The following HMGXB3 variants were observed in gnomAD, a reference collection of about 807,000 sequenced individuals.
HMGXB3 encodes the protein HMG-box containing 3.
A neutral mutation model predicts 121.5 loss-of-function variants in HMGXB3; 45 were observed. The observed-to-expected ratio is 0.37, with a 90% CI of 0.29 to 0.47. The LOEUF (loss-of-function observed/expected upper bound fraction) is 0.47. Ranked by LOEUF, HMGXB3 falls within the 20% of genes least tolerant of loss-of-function variation. The pLI, the probability that HMGXB3 is intolerant of heterozygous loss-of-function variation, is 0.99. For synonymous variants in HMGXB3, 590 were observed against 624.1 expected (o/e 0.95, Z 0.81); for missense variants, 1,376 against 1,602.2 (o/e 0.86, Z 2.41).
In HMGXB3 at chr5:150,027,168, A is replaced by G. The variant is rs1756252536; in HGVS notation, c.1734+51A>G. The G allele has an allele frequency of 3.5e-6, 5 of 1,448,658 alleles. No individual in the cohort carries two copies. In the South Asian group the frequency reaches 6.3e-5, roughly 18 times the overall value. The allele number at this position is 1,448,658 out of a possible 1,614,324, so 89.7% of individuals were successfully genotyped here. The stretch of plus-strand genomic sequence containing the variant: ...GCTGTTTGAGGGTCTGGCTGCTTCC[A>G]TGTAATGTATCAAAGCTATAGGTAA... On this transcript the variant is annotated intron_variant, in intron 9 of 19. Transcript: ENST00000502717.
chr5:150,033,045 A>G (rs1179986094), intron 11 of HMGXB3, among the ~76,000 whole-genome samples: 2 of 152,222 alleles, frequency 1.3e-5, no homozygotes, highest in Non-Finnish European at 2.9e-5. Context: ...TAGTTAATCA[A>G]AGCTTTATTT....
chr5:150,036,764 A>G lies in HMGXB3; in HGVS notation c.2112A>G (p.Ser704=). 6.4e-7 allele frequency: 1 copy of G among 1,551,756 alleles called. No homozygotes were observed. The change falls in exon 12 of 20, where the codon TCA becomes TCG. Residue 704 remains serine, a synonymous_variant. Coordinates refer to ENST00000502717, the MANE Select transcript of HMGXB3 (RefSeq NM_014983.3). ...RKVLQIPENE[S]ELAEVFALIH... is the part of the protein sequence containing the mutation. ...TCCTGCAGATTCCTGAGAATGAGTC[A>G]GAGCTGGCTGAGGTCTTCGCCTTGA...
chr5:150,010,285 C>A lies in HMGXB3; in HGVS notation c.487C>A (p.Leu163Ile). 6.4e-7 allele frequency: 1 copy of A among 1,551,782 alleles called. No individual in the cohort carries two copies. Among genetic ancestry groups the A allele is most frequent in the Non-Finnish European group, 8.7e-7 (1 of 1,147,020 alleles). The change falls in exon 4 of 20, where the codon CTT becomes ATT. Residue 163 changes from leucine to isoleucine, a missense_variant. Around this residue, in one of 2 missense-constraint regions of HMGXB3, gnomAD observed 1,116 missense variants for 1,369.0 expected, o/e 0.82. Transcript: ENST00000502717. The stretch of plus-strand genomic sequence containing the variant: ...CCAGATGTCCCCGAAAGGACCTCCT[C>A]TTGTGTCCAACACTGCCCCGGAGAC... ...QNQMSPKGPP[L>I]VSNTAPETVP... is the part of the protein sequence containing the mutation.
intron 2 of HMGXB3, 117 bp downstream of exon 2, chr5:150,005,106 G>A (rs1232232888): frequency 7.5e-7 from 1 of 1,335,662 alleles, no homozygotes; most frequent in Admixed American, 2.9e-5. Context: ...GAAGTCCTGT[G>A]TCGAGGGATG....
chr5:150,044,272 T>C (rs1756704650), intron 15 of HMGXB3, among the ~76,000 whole-genome samples: 1 of 152,168 alleles, frequency 6.6e-6, no homozygotes. Context: ...TCAGCCCCTC[T>C]CTCGGAGTTG....
chr5:150,051,607 G>A (rs1196208152), intron 19 of HMGXB3, 118 bp from the exon 20 acceptor site: 2 of 819,474 alleles, frequency 2.4e-6, no homozygotes, highest in Non-Finnish European at 3.8e-6. Context: ...AGGAGACACA[G>A]TACATGGTGA....
rs997921131 is a variant in HMGXB3 at position 150,036,932 on chromosome 5, A to G, written c.2280A>G (p.Gly760=). ...GTAGCAGCCCATTATTCAAAGGGGG[A>G]CAAAAGTAAGCACCCCTTAACTCTG... ...LLCSSPLFKG[G]QNSLAGPQEC... is the part of the protein sequence containing the mutation. The change falls in exon 12 of 20, where the codon GGA becomes GGG. Residue 760 remains glycine (G), a synonymous_variant. Transcript: ENST00000502717. 108 of 1,549,694 alleles carry G rather than the reference A, an allele frequency of 7.0e-5. No homozygotes were observed. The highest frequency in any genetic ancestry group is 9.2e-5 in the Non-Finnish European group (105 of 1,146,032).
chr5:150,016,340 C>CAAA lies in HMGXB3; in HGVS notation c.910-2207_910-2205dup, dbSNP rs34992392. Among the ~76,000 whole-genome samples the CAAA allele has an allele frequency of 1.3e-3, 118 of 92,592 alleles. 1 individual carries two copies. In the South Asian group the frequency reaches 0.036, roughly 28 times the overall value. 60.7% of individuals were successfully genotyped at this position (92,592 alleles called of 152,430 possible). Reference sequence around the variant, plus strand: ...TGAGCAACAGAGTGAGACTCTGTCTCAAAAAAAAAAAAAAAAAAAAAGGAG... The same window carrying CAAA: ...TGAGCAACAGAGTGAGACTCTGTCTCAAAAAAAAAAAAAAAAAAAAAAAAGGAG... On this transcript the variant is annotated intron_variant, in intron 5 of 19. Coordinates refer to ENST00000502717, the MANE Select transcript of HMGXB3 (RefSeq NM_014983.3).
In HMGXB3 at chr5:150,005,586, C is replaced by G. The variant is rs1319941474; in HGVS notation, c.137+597C>G. Among the ~76,000 whole-genome samples the G allele has an allele frequency of 2.6e-5, 3 of 116,626 alleles. No homozygotes were observed. In the Admixed American group the frequency reaches 3.3e-4, roughly 13 times the overall value. The allele number at this position is 116,626 out of a possible 152,430, so 76.5% of individuals were successfully genotyped here. On this transcript the variant is annotated intron_variant, in intron 2 of 19. Coordinates refer to ENST00000502717, the MANE Select transcript of HMGXB3 (RefSeq NM_014983.3). ...TGCACTACAGCTTGGCCAACAAGAA[C>G]GAAACTCCTCTCAAAAAAAAAAAAA...
chr5:150,006,331 C>A, intron 2 of HMGXB3, 142 bp from the exon 3 acceptor site: 1 of 568,574 alleles, frequency 1.8e-6, no homozygotes, highest in Non-Finnish European at 2.9e-6. Context: ...TTTTATCAAC[C>A]TCTTGACTAC....
rs188995699 is a variant in HMGXB3 at position 150,024,401 on chromosome 5, C to T, written c.1181C>T (p.Ser394Leu). Residue 394 changes from serine to leucine, a missense_variant, in exon 7 of 20, where the codon TCG becomes TTG. Around this residue, in one of 2 missense-constraint regions of HMGXB3, gnomAD observed 1,116 missense variants for 1,369.0 expected, o/e 0.82. Transcript: ENST00000502717. ...ENASKLTLEN[S>L]EAVSQLLNVA... ...GCCTCCAAACTGACTCTGGAGAATT[C>T]GGAAGCTGTAAGCCAGCTCCTGAAC... 5.0e-5 allele frequency: 78 copies of T among 1,551,700 alleles called. No homozygotes were observed. The East Asian group carries it at 1.0e-3, about 20-fold the overall frequency.
At position 150,040,623 on chromosome 5, in the gene HMGXB3, C is replaced by CT. The variant is rs1184034349; in HGVS notation, c.2414-124dup. ...CAACTCCTGGGCTCAAGCGATCCTC[C>CT]TGCCTCATCCTCCCAAGTGCCTGCA... On this transcript the variant is annotated intron_variant, in intron 13 of 19. Coordinates refer to ENST00000502717, the MANE Select transcript of HMGXB3 (RefSeq NM_014983.3). 49 of 921,564 alleles carry CT rather than the reference C, an allele frequency of 5.3e-5. No homozygotes were observed. In the East Asian group the frequency reaches 1.4e-3, roughly 26 times the overall value. 57.1% of individuals were successfully genotyped at this position (921,564 alleles called of 1,614,324 possible). A position where few individuals can be genotyped will look rare whatever the true frequency, so the allele number is the denominator to read the frequency against.
At chr5:150,024,784 A>G (rs1756187041) in intron 7 of HMGXB3, 104 bp downstream of exon 7, 2 of 986,672 alleles carry the variant, frequency 2.0e-6, no homozygotes, top group Non-Finnish European at 2.9e-6. Context: ...AGACCAGGCA[A>G]TGGTTCCTGT....
intron 17 of HMGXB3, 76 bp from the exon 18 acceptor site, chr5:150,048,493 A>T: frequency 1.0e-6 from 1 of 971,662 alleles, no homozygotes; most frequent in Non-Finnish European, 1.6e-6. Flanking sequence ...GTGTTGGGTG[A>T]GTGTGTGATG....
At chr5:150,009,996 C>T in intron 3 of HMGXB3, 115 bp from the exon 4 acceptor site, 1 of 1,146,248 alleles carries the variant, frequency 8.7e-7, no homozygotes, top group Non-Finnish European at 1.2e-6. Context: ...TTTTTCCAGT[C>T]CCTTTTGCAG....
intron 5 of HMGXB3, among the ~76,000 whole-genome samples, chr5:150,014,146 C>T (rs1163689455): frequency 2.0e-5 from 3 of 152,222 alleles, no homozygotes; most frequent in African/African-American, 4.8e-5. Flanking sequence ...TTCGCAAGGG[C>T]GGTGGCTGCT....
At chr5:150,009,246 T>C (rs2113725865) in intron 3 of HMGXB3, among the ~76,000 whole-genome samples, 1 of 152,338 alleles carries the variant, frequency 6.6e-6, no homozygotes, top group African/African-American at 2.4e-5. Context: ...CCAGCTTTAC[T>C]GTTTACTAAT....
At chr5:150,024,159 T>C (rs2113741012) in intron 6 of HMGXB3, 103 bp from the exon 7 acceptor site, 1 of 954,542 alleles carries the variant, frequency 1.0e-6, no homozygotes, top group Non-Finnish European at 1.5e-6. Context: ...TGGACCTTAG[T>C]TTCCTTATTT....
At chr5:150,037,273 GAAATACCTACCTAGA>G (rs1449541503) in intron 12 of HMGXB3, 112 bp from the exon 13 acceptor site, 13 of 916,218 alleles carry the variant, frequency 1.4e-5, no homozygotes, top group Non-Finnish European at 1.7e-5. Context: ...CAACAAAGTG[GAAATACCTACCTAGA>G]AAATCCTAAG....
Sources: allele counts gnomAD v4.1 joint callset (sites outside exome capture counted in the v4.1 genomes callset), GRCh38; gene constraint gnomAD v4.1.1; regional missense constraint gnomAD v4.1.1; transcripts MANE v1.5; gene names NCBI Gene and HGNC (gene_info 2026-07-23, HGNC 2026-07-21).